Variants in PSIP1 observed in about 807,000 individuals in gnomAD.
PSIP1 encodes PC4 and SFRS1-interacting protein.
Under a neutral mutation model 74.7 loss-of-function variants are expected in PSIP1, and 19 were observed. That is an observed-to-expected ratio of 0.25 (90% CI 0.18 to 0.37). PSIP1 has a LOEUF of 0.37. PSIP1 is among the 10% of genes least tolerant of loss of function. PSIP1 has a pLI of 1.00. For synonymous variants in PSIP1, 222 were observed against 195.3 expected (o/e 1.14, Z -1.14); for missense variants, 601 against 614.3 (o/e 0.98, Z 0.23).
chr9:15,471,283 C>CGCA, intron 10 of PSIP1: 1 of 1,576,326 alleles, frequency 6.3e-7, no homozygotes, highest in Non-Finnish European at 8.7e-7. Context: ...TTCACACAAG[C>CGCA]TGCATCTGAA....
Position 15,481,652 on chromosome 9 carries a change from C to T in PSIP1, c.457-1965G>A, listed in dbSNP as rs2036341496. On this transcript the variant is annotated intron_variant, in intron 6 of 15. Coordinates refer to ENST00000380733, the MANE Select transcript of PSIP1 (RefSeq NM_033222.5). ...TGAGCTGACATCCTGCTACCACACT[C>T]CAGCCTGGGCAACAGAGCAAGACTC... Among the ~76,000 whole-genome samples, 5 of 152,094 alleles carry T rather than the reference C, an allele frequency of 3.3e-5. 1 individual carries two copies. The South Asian group carries it at 1.0e-3, about 32-fold the overall frequency.
chr9:15,474,290 TTAG>T, intron 8 of PSIP1, 53 bp from the exon 9 acceptor site: 1 of 1,430,676 alleles, frequency 7.0e-7, no homozygotes, highest in Non-Finnish European at 9.5e-7. Flanking sequence ...TAATAGTATT[TTAG>T]ATATCAGTAA....
intron 3 of PSIP1, 72 bp from the exon 4 acceptor site, chr9:15,490,196 A>G: frequency 7.6e-7 from 1 of 1,315,232 alleles, no homozygotes; most frequent in South Asian, 1.9e-5. Context: ...AAGACACCCT[A>G]TTACACAATT....
chr9:15,473,222 T>G (rs2035918912), intron 9 of PSIP1, among the ~76,000 whole-genome samples: 3 of 152,194 alleles, frequency 2.0e-5, no homozygotes, highest in African/African-American at 7.2e-5. Context: ...TTAATGAGGT[T>G]CCCAACAACT....
chr9:15,468,381 T>C, intron 14 of PSIP1: 3 of 704,542 alleles, frequency 4.3e-6, no homozygotes, highest in Non-Finnish European at 7.9e-6. Flanking sequence ...AAATTGTTTA[T>C]CCAGAGTCAT....
At chr9:15,470,639 T>C in intron 10 of PSIP1, 2 of 946,794 alleles carry the variant, frequency 2.1e-6, no homozygotes, top group Non-Finnish European at 2.5e-6. Context: ...AATCAGGTTT[T>C]TTTTTTAAAA....
chr9:15,506,773 C>G (rs1208477773), intron 2 of PSIP1, 136 bp from the exon 3 acceptor site: 2 of 606,924 alleles, frequency 3.3e-6, no homozygotes, highest in South Asian at 3.4e-5. Context: ...AATCTCCTAT[C>G]CCCAAATCTG....
At chr9:15,482,670 A>G (rs2036386928) in intron 6 of PSIP1, among the ~76,000 whole-genome samples, 1 of 152,140 alleles carries the variant, frequency 6.6e-6, no homozygotes, top group Non-Finnish European at 1.5e-5. Flanking sequence ...CACATCTTTG[A>G]TCTTTCCTAA....
At chr9:15,471,563 T>C (rs771076089) in intron 10 of PSIP1, 11 of 965,368 alleles carry the variant, frequency 1.1e-5, no homozygotes, top group Non-Finnish European at 1.4e-5. Context: ...TAGAAAATGA[T>C]AGGTGACAAA....
intron 6 of PSIP1, among the ~76,000 whole-genome samples, chr9:15,480,130 G>C (rs2036271997): frequency 1.3e-5 from 2 of 152,310 alleles, no homozygotes; most frequent in Middle Eastern, 6.8e-3. Flanking sequence ...GGAATCCACT[G>C]ACCATTTGCA....
chr9:15,466,996 A>G (rs1158666997), intron 14 of PSIP1, 137 bp from the exon 15 acceptor site: 1 of 662,892 alleles, frequency 1.5e-6, no homozygotes, highest in Non-Finnish European at 2.6e-6. Flanking sequence ...TTGAAATTAC[A>G]TTGTAATACA....
intron 10 of PSIP1, chr9:15,471,260 T>C (rs1563867470): frequency 6.3e-7 from 1 of 1,588,212 alleles, no homozygotes; most frequent in South Asian, 1.1e-5. Flanking sequence ...AAACTTTATT[T>C]TGCATAATGC....
chr9:15,471,117 T>G (rs931809943), intron 10 of PSIP1: 14 of 1,597,828 alleles, frequency 8.8e-6, no homozygotes, highest in Non-Finnish European at 1.2e-5. Context: ...TGAGTCTGTA[T>G]CAAGATCTTC....
In PSIP1 at chr9:15,507,937, A is replaced by C. The variant is rs78230794; in HGVS notation, c.73-1300T>G. 6.4e-4 allele frequency among the ~76,000 whole-genome samples: 98 copies of C among 152,332 alleles called. No individual in the cohort carries two copies. In the East Asian group the frequency reaches 0.016, roughly 25 times the overall value. On this transcript the variant is annotated intron_variant, in intron 2 of 15. Coordinates refer to ENST00000380733, the MANE Select transcript of PSIP1 (RefSeq NM_033222.5). ...GATGAAGATCACACCTGTTATCTCA[A>C]CTTTGTGGGAATGTCCCGATAATTG...
rs369307599 is a variant in PSIP1 at position 15,473,287 on chromosome 9, G to A, written c.859-537C>T. Among the ~76,000 whole-genome samples the A allele has an allele frequency of 3.9e-5, 6 of 152,102 alleles. No homozygotes were observed. In the East Asian group the frequency reaches 9.7e-4, roughly 25 times the overall value. The stretch of plus-strand genomic sequence containing the variant: ...GATAAAATGTACAATAGGCCTGAAG[G>A]GTGTTAAGAACTTCTTGGGGGTAAA... On this transcript the variant is annotated intron_variant, in intron 9 of 15. Coordinates refer to ENST00000380733, the MANE Select transcript of PSIP1 (RefSeq NM_033222.5).
chr9:15,473,865 C>CACTCCAGCCTAAGCAACACAGCGAG, intron 9 of PSIP1, 144 bp downstream of exon 9: 1 of 562,720 alleles, frequency 1.8e-6, no homozygotes, highest in Non-Finnish European at 2.8e-6. Flanking sequence ...TGTGCCACTG[C>CACTCCAGCCTAAGCAACACAGCGAG]ACTCCAGCCT....
At chr9:15,493,670 C>T (rs971416997) in intron 3 of PSIP1, among the ~76,000 whole-genome samples, 1 of 152,188 alleles carries the variant, frequency 6.6e-6, no homozygotes, top group Non-Finnish European at 1.5e-5. Context: ...AACTTACAAT[C>T]ACGGCAGAAG....
chr9:15,474,661 C>G (rs544951050), intron 8 of PSIP1, among the ~76,000 whole-genome samples: 1 of 152,068 alleles, frequency 6.6e-6, no homozygotes, highest in Non-Finnish European at 1.5e-5. Flanking sequence ...CTAAGTATTC[C>G]CATCACCACT....
chr9:15,502,975 C>G (rs1462974656), intron 3 of PSIP1, among the ~76,000 whole-genome samples: 1 of 152,190 alleles, frequency 6.6e-6, no homozygotes, highest in East Asian at 1.9e-4. Context: ...ATTAAAAAAC[C>G]TTAATCTATA....
Sources: allele counts gnomAD v4.1 joint callset (sites outside exome capture counted in the v4.1 genomes callset), GRCh38; gene constraint gnomAD v4.1.1; transcripts MANE v1.5; gene names NCBI Gene and HGNC (gene_info 2026-07-23, HGNC 2026-07-21).